C20orf173: variants seen among roughly 807,000 people sequenced by gnomAD.
The protein encoded by C20orf173 is uncharacterized protein C20orf173.
Under a neutral mutation model 26.7 loss-of-function variants are expected in C20orf173, and 22 were observed. That is an observed-to-expected ratio of 0.82 (90% CI 0.59 to 1.18). The LOEUF (loss-of-function observed/expected upper bound fraction) is 1.18, where lower values mean the gene tolerates loss of function less well. Among genes scored for constraint, C20orf173 ranks in the 50% most tolerant of loss-of-function variants. The pLI is 0.00. For missense variants in C20orf173, 210 were observed against 250.3 expected (o/e 0.84, Z 1.09); for synonymous variants, 85 against 96.4 (o/e 0.88, Z 0.69).
Position 35,528,684 on chromosome 20 carries a change from C to G in C20orf173, c.488+17G>C, listed in dbSNP as rs770870045. 36 of 1,528,546 alleles carry G rather than the reference C, an allele frequency of 2.4e-5. No individual in the cohort carries two copies. The South Asian group carries it at 4.0e-4, about 17-fold the overall frequency. The allele number at this position is 1,528,546 out of a possible 1,614,324, so 94.7% of individuals were successfully genotyped here. Reference sequence around the variant, plus strand: ...CAGGCCTGGCCTTCCTGCTCCCGCCCTCTCCCCAGCACCCACCTGAAAACC... The same window carrying G: ...CAGGCCTGGCCTTCCTGCTCCCGCCGTCTCCCCAGCACCCACCTGAAAACC... On this transcript the variant is annotated intron_variant, in intron 3 of 5. Transcript: ENST00000444723.
At chr20:35,528,571 G>T (rs1254561017) in intron 3 of C20orf173, 27 bp from the exon 4 acceptor site, 13 of 1,550,882 alleles carry the variant, frequency 8.4e-6, no homozygotes, top group Non-Finnish European at 1.1e-5. Context: ...ATTGTGTGTG[G>T]TTTGGTTCCC....
chr20:35,522,930 G>A (rs2064483545), downstream of C20orf173: 1 of 152,816 alleles, frequency 6.5e-6, no homozygotes, highest in Non-Finnish European at 1.5e-5. Context: ...GAAGGTTAGA[G>A]CCTGGGGCCT....
At chr20:35,526,721 CAAAAAAA>C (rs898115774), downstream of C20orf173, among the ~76,000 whole-genome samples, 1 of 149,798 alleles carries the variant, frequency 6.7e-6, no homozygotes, top group African/African-American at 2.5e-5. Flanking sequence ...AAAAGCTGGG[CAAAAAAA>C]CAAAAAACAA....
chr20:35,529,050 G>T lies in C20orf173; in HGVS notation c.309+15C>A. 1 of 1,547,084 alleles carries T rather than the reference G, an allele frequency of 6.5e-7. No homozygotes were observed. Among genetic ancestry groups the T allele is most frequent in the Non-Finnish European group, 8.7e-7 (1 of 1,143,260 alleles). ...AGCATGGGGGATATGGCCGGGCCCA[G>T]TGTTGACCACTGACCAACCACCAGA... On this transcript the variant is annotated intron_variant, in intron 2 of 5. Transcript: ENST00000444723.
At chr20:35,525,212 G>T (rs531930299), downstream of C20orf173, among the ~76,000 whole-genome samples, 1 of 152,148 alleles carries the variant, frequency 6.6e-6, no homozygotes, top group African/African-American at 2.4e-5. Flanking sequence ...ATGAGATCAT[G>T]CTGGATGAGA....
At chr20:35,528,674 T>C (rs2064524344) in intron 3 of C20orf173, 27 bp downstream of exon 3, 2 of 1,530,030 alleles carry the variant, frequency 1.3e-6, no homozygotes, top group Middle Eastern at 3.4e-4. Context: ...CTGGCCTTCC[T>C]GCTCCCGCCC....
intron 1 of C20orf173, 22 bp from the exon 2 acceptor site, chr20:35,529,446 G>A (rs544087632): frequency 1.5e-6 from 2 of 1,365,436 alleles, no homozygotes; most frequent in Admixed American, 2.4e-5. Context: ...AGGGGCTGAG[G>A]CCACAGACAG....
rs1248914043 is a variant in C20orf173, at chr20:35,529,362, C to T, written c.12G>A (p.Trp4Ter). 1 of 1,541,530 alleles carries T rather than the reference C, an allele frequency of 6.5e-7. No individual in the cohort carries two copies. The highest frequency in any genetic ancestry group is 1.7e-4 in the Middle Eastern group (1 of 5,948). MKR[W>*]QIFVLWVFWV... is the part of the protein sequence containing the mutation. ...AAAAGACCCACAGGACAAAAATCTGCCAGCGCTTCATGTCTGGCCCAGGCG... is the reference window on the plus strand; with the variant it reads ...AAAAGACCCACAGGACAAAAATCTGTCAGCGCTTCATGTCTGGCCCAGGCG... Residue 4 changes from tryptophan (W) to a stop codon, truncating the protein, a stop_gained, in exon 2 of 6, where the codon TGG becomes TGA. Coordinates refer to ENST00000444723, the MANE Select transcript of C20orf173 (RefSeq NM_001145350.2). LOFTEE classifies it high-confidence loss of function.
downstream of C20orf173, among the ~76,000 whole-genome samples, chr20:35,521,703 G>T (rs192098029): frequency 6.6e-6 from 1 of 151,730 alleles, no homozygotes; most frequent in African/African-American, 2.4e-5. Flanking sequence ...CCGCCTCCCA[G>T]GTTCAAGCGA....
chr20:35,521,113 A>G (rs1242406165), downstream of C20orf173: 2 of 152,698 alleles, frequency 1.3e-5, no homozygotes, highest in East Asian at 3.8e-4. Context: ...CACCTTTTGC[A>G]ATTGTCTTCC....
At chr20:35,528,395 C>T in intron 4 of C20orf173, 56 bp downstream of exon 4, 2 of 1,546,686 alleles carry the variant, frequency 1.3e-6, no homozygotes, top group Non-Finnish European at 1.8e-6. Context: ...CTGTTACTCC[C>T]TGCAGTGACC....
chr20:35,523,821 A>G (rs2064488407), downstream of C20orf173, among the ~76,000 whole-genome samples: 1 of 152,172 alleles, frequency 6.6e-6, no homozygotes, highest in South Asian at 2.1e-4. Flanking sequence ...AGAGGGAAAC[A>G]GAAGGGCCAC....
At chr20:35,526,441 C>T (rs1181027444), downstream of C20orf173, among the ~76,000 whole-genome samples, 1 of 152,122 alleles carries the variant, frequency 6.6e-6, no homozygotes, top group East Asian at 1.9e-4. Context: ...TCCTGGCCAA[C>T]ATGGCAAGAC....
Position 35,529,071 on chromosome 20 carries a change from C to A in C20orf173, c.303G>T (p.Trp101Cys), listed in dbSNP as rs192511462. The A allele has an allele frequency of 2.5e-4, 395 of 1,549,958 alleles. 3 individuals carry two copies. In the African/African-American group the frequency reaches 4.9e-3, roughly 19 times the overall value. Residue 101 changes from tryptophan (W) to cysteine (C), a missense_variant, in exon 2 of 6, where the codon TGG becomes TGT. Coordinates refer to ENST00000444723, the MANE Select transcript of C20orf173 (RefSeq NM_001145350.2). ...CCCAGTGTTGACCACTGACCAACCA[C>A]CAGAGCACAGTGTCAGAGGTCATAG... ...RESMTSDTVL[W>C]WLGMNSGSEL...
chr20:35,520,854 G>T (rs1375999679), downstream of C20orf173: 1 of 152,196 alleles, frequency 6.6e-6, no homozygotes, highest in Non-Finnish European at 1.5e-5. Context: ...TCCAGAGAGA[G>T]AAATAAGCTA....
intron 1 of C20orf173, 63 bp from the exon 2 acceptor site, chr20:35,529,487 A>G (rs780121227): frequency 4.6e-5 from 44 of 947,900 alleles, no homozygotes; most frequent in Non-Finnish European, 6.8e-5. Flanking sequence ...GTCGGCCTCC[A>G]CAACTCCCCA....
downstream of C20orf173, among the ~76,000 whole-genome samples, chr20:35,521,500 C>CG (rs2064474828): frequency 6.6e-6 from 1 of 151,594 alleles, no homozygotes; most frequent in African/African-American, 2.4e-5. Context: ...AAGTCCAGTG[C>CG]GGGAATCTGG....
At chr20:35,521,501 G>A (rs557703831), downstream of C20orf173, among the ~76,000 whole-genome samples, 96 of 152,178 alleles carry the variant, frequency 6.3e-4, 1 homozygote, top group Non-Finnish European at 2.5e-4. Flanking sequence ...AGTCCAGTGC[G>A]GGAATCTGGG....
downstream of C20orf173, among the ~76,000 whole-genome samples, chr20:35,526,536 G>A (rs1403237942): frequency 6.6e-6 from 1 of 151,644 alleles, no homozygotes; most frequent in East Asian, 1.9e-4. Context: ...GGCTTAGGTG[G>A]GAGGATCACT....
Sources: gnomAD v4.1 joint callset for allele counts (sites outside exome capture counted in the v4.1 genomes callset) on GRCh38, gnomAD v4.1.1 for gene constraint, MANE v1.5 for transcripts, NCBI Gene and HGNC (gene_info 2026-07-23, HGNC 2026-07-21) for gene names.